Variants in ZFHX3 observed in about 807,000 individuals in gnomAD.
ZFHX3 encodes zinc finger homeobox 3, also known as zinc finger homeobox protein 3.
Under a neutral mutation model 279.1 loss-of-function variants are expected in ZFHX3, and 42 were observed. The observed-to-expected ratio is 0.15, with a 90% CI of 0.12 to 0.19. The LOEUF (loss-of-function observed/expected upper bound fraction) is 0.19, where lower values mean the gene tolerates loss of function less well. Among genes scored for constraint, ZFHX3 ranks in the 10% least tolerant of loss-of-function variants. The pLI is 1.00. For synonymous variants in ZFHX3, 2,293 were observed against 1,957.8 expected (o/e 1.17, Z -4.52); for missense variants, 4,981 against 4,754.0 (o/e 1.05, Z -1.40).
At chr16:73,546,913 A>C (rs1450716725) in intron 2 of ZFHX3, among the ~76,000 whole-genome samples, 1 of 151,922 alleles carries the variant, frequency 6.6e-6, no homozygotes, top group African/African-American at 2.4e-5. Context: ...TGTGTCCCTC[A>C]TTCTGTCATT....
intron 4 of ZFHX3, among the ~76,000 whole-genome samples, chr16:73,300,470 C>G (rs930215986): frequency 2.6e-5 from 4 of 151,244 alleles, no homozygotes; most frequent in Non-Finnish European, 5.9e-5. Flanking sequence ...TGCCAGGATA[C>G]GGGATGTTGG....
chr16:73,651,083 T>C (rs778629721), intron 2 of ZFHX3, among the ~76,000 whole-genome samples: 1 of 152,032 alleles, frequency 6.6e-6, no homozygotes, highest in Non-Finnish European at 1.5e-5. Flanking sequence ...CTAACAGATT[T>C]GATAAAGTAC....
At chr16:73,539,484 C>T (rs1315856864) in intron 2 of ZFHX3, among the ~76,000 whole-genome samples, 1 of 118,438 alleles carries the variant, frequency 8.4e-6, no homozygotes, top group African/African-American at 3.4e-5. Flanking sequence ...GGCCTTATAC[C>T]GCTGTTTATT....
intron 3 of ZFHX3, among the ~76,000 whole-genome samples, chr16:72,902,110 G>A (rs1464164290): frequency 6.6e-6 from 1 of 152,194 alleles, no homozygotes; most frequent in Non-Finnish European, 1.5e-5. Flanking sequence ...CAATGGGGCT[G>A]TAATTGCAGG....
At chr16:73,166,568 G>T (rs1382152867) in intron 5 of ZFHX3, among the ~76,000 whole-genome samples, 2 of 152,150 alleles carry the variant, frequency 1.3e-5, no homozygotes, top group African/African-American at 4.8e-5. Context: ...AGAGCACGGG[G>T]CAGCATTCAC....
At chr16:73,607,618 T>C (rs1204175773) in intron 2 of ZFHX3, among the ~76,000 whole-genome samples, 2 of 152,202 alleles carry the variant, frequency 1.3e-5, no homozygotes, top group Non-Finnish European at 2.9e-5. Flanking sequence ...AAAAAAACTG[T>C]GATGGATCTA....
intron 3 of ZFHX3, among the ~76,000 whole-genome samples, chr16:73,443,833 C>T (rs2018137283): frequency 6.6e-6 from 1 of 152,256 alleles, no homozygotes; most frequent in Middle Eastern, 3.4e-3. Flanking sequence ...CAACTCACTG[C>T]AGCCTCTACC....
In ZFHX3 at chr16:72,785,369, C is replaced by T. The variant is rs1313980436; in HGVS notation, c.*1795G>A. ...TTTGTTGGCTGCGCTCTGGATCACT[C>T]GCTGCTCAGACTGCCTAACACAAGG... On this transcript the variant is annotated 3_prime_UTR_variant, in exon 10 of 10. Coordinates refer to ENST00000268489, the MANE Select transcript of ZFHX3 (RefSeq NM_006885.4). 1.3e-5 allele frequency: 2 copies of T among 152,612 alleles called. No individual in the cohort carries two copies. Among genetic ancestry groups the T allele is most frequent in the African/African-American group, 4.8e-5 (2 of 41,446 alleles). The allele number at this position is 152,612 out of a possible 1,614,324, so 9.5% of individuals were successfully genotyped here.
At chr16:73,866,307 T>C (rs1195171400) in intron 1 of ZFHX3, among the ~76,000 whole-genome samples, 1 of 150,676 alleles carries the variant, frequency 6.6e-6, no homozygotes, top group Non-Finnish European at 1.5e-5. Flanking sequence ...AGCTCTCTAG[T>C]AGTTGGGATT....
chr16:73,356,116 C>G (rs1356044839), intron 3 of ZFHX3, among the ~76,000 whole-genome samples: 4 of 152,166 alleles, frequency 2.6e-5, no homozygotes, highest in Non-Finnish European at 5.9e-5. Flanking sequence ...ATAATACAGC[C>G]AAGAAACCAA....
intron 4 of ZFHX3, among the ~76,000 whole-genome samples, chr16:73,270,844 T>A (rs1164237294): frequency 1.3e-5 from 2 of 152,006 alleles, no homozygotes; most frequent in African/African-American, 2.4e-5. Context: ...GTCCTCGGAG[T>A]TCTAGAGTGT....
intron 5 of ZFHX3, among the ~76,000 whole-genome samples, chr16:73,156,947 C>T (rs1378837631): frequency 1.3e-5 from 2 of 152,132 alleles, no homozygotes; most frequent in African/African-American, 2.4e-5. Flanking sequence ...CTCCTGACCT[C>T]GTGATCTGCC....
At chr16:73,438,177 G>A (rs1158481402) in intron 3 of ZFHX3, among the ~76,000 whole-genome samples, 2 of 152,082 alleles carry the variant, frequency 1.3e-5, no homozygotes, top group East Asian at 1.9e-4. Context: ...CCAGTTTATC[G>A]CTCTCTCCCC....
intron 3 of ZFHX3, among the ~76,000 whole-genome samples, chr16:72,929,619 T>C (rs1463436744): frequency 6.6e-6 from 1 of 152,252 alleles, no homozygotes; most frequent in African/African-American, 2.4e-5. Context: ...GGCCTCGCCC[T>C]GTGGCTCTTG....
At chr16:73,594,888 T>G (rs2052033130) in intron 2 of ZFHX3, among the ~76,000 whole-genome samples, 1 of 152,202 alleles carries the variant, frequency 6.6e-6, no homozygotes, top group African/African-American at 2.4e-5. Flanking sequence ...TTGTGTATGG[T>G]CTGAGTACAG....
chr16:73,469,487 G>A (rs74028668), intron 2 of ZFHX3, among the ~76,000 whole-genome samples: 1 of 152,048 alleles, frequency 6.6e-6, no homozygotes, highest in African/African-American at 2.4e-5. Context: ...TATGAGTTCT[G>A]CAGGTTCTCA....
At chr16:72,997,607 C>A (rs774756386) in intron 1 of ZFHX3, among the ~76,000 whole-genome samples, 10 of 152,186 alleles carry the variant, frequency 6.6e-5, no homozygotes, top group Admixed American at 2.6e-4. Context: ...CATCTCCCCC[C>A]AGACTTATTC....
At chr16:73,748,707 C>A (rs556985484) in intron 1 of ZFHX3, among the ~76,000 whole-genome samples, 4 of 152,226 alleles carry the variant, frequency 2.6e-5, no homozygotes, top group African/African-American at 9.6e-5. Context: ...ATTGAAGAGC[C>A]CTTGGTCTTA....
chr16:73,458,728 T>A (rs1390229120), intron 2 of ZFHX3, among the ~76,000 whole-genome samples: 2 of 152,196 alleles, frequency 1.3e-5, no homozygotes, highest in African/African-American at 4.8e-5. Flanking sequence ...CGCATTTTCT[T>A]ATGCTTTTGT....
Sources: gnomAD v4.1 joint callset for allele counts (sites outside exome capture counted in the v4.1 genomes callset) on GRCh38, gnomAD v4.1.1 for gene constraint, MANE v1.5 for transcripts, NCBI Gene and HGNC (gene_info 2026-07-23, HGNC 2026-07-21) for gene names.